GBP5: variants seen among roughly 807,000 people sequenced by gnomAD.
GBP5 encodes the protein guanylate-binding protein 5.
GBP5 carries 48 observed loss-of-function variants against 58.2 expected under a neutral mutation model. That is an observed-to-expected ratio of 0.83 (90% CI 0.65 to 1.05). The LOEUF is 1.05. Ranked by LOEUF, GBP5 falls within the 50% of genes least tolerant of loss-of-function variation. The probability of loss-of-function intolerance (pLI) is 0.00; values close to 1 mark genes in which losing one functional copy is unlikely to be tolerated. For missense variants in GBP5, 714 were observed against 686.8 expected, an observed-to-expected ratio of 1.04 and a Z score of -0.44; for synonymous variants, 248 against 251.8, an observed-to-expected ratio of 0.98 and a Z score of 0.14.
intron 7 of GBP5, among the ~76,000 whole-genome samples, chr1:89,265,764 C>G (rs1331173056): frequency 6.8e-6 from 1 of 147,360 alleles, no homozygotes; most frequent in Non-Finnish European, 1.5e-5. Flanking sequence ...GCAAAGTAAG[C>G]AATTTAAACC....
At position 89,262,967 on chromosome 1, in the gene GBP5, A is replaced by G. The variant is rs532184304; in HGVS notation, c.1363-182T>C. 10 of 454,684 alleles carry G rather than the reference A, an allele frequency of 2.2e-5. 1 individual carries two copies. In the South Asian group the frequency reaches 2.4e-4, roughly 11 times the overall value. The allele number at this position is 454,684 out of a possible 1,614,324, so 28.2% of individuals were successfully genotyped here. A position where few individuals can be genotyped will look rare whatever the true frequency, so the allele number is the denominator to read the frequency against. Reference sequence around the variant, plus strand: ...CACCCTGCACTTGGTGGAACTGCCAATTGAGACTGGAGAGGCTTGTGGAAC... The same window carrying G: ...CACCCTGCACTTGGTGGAACTGCCAGTTGAGACTGGAGAGGCTTGTGGAAC... On this transcript the variant is annotated intron_variant, in intron 9 of 11. Transcript: ENST00000370459.
At chr1:89,271,484 A>C (rs1005281900) in intron 1 of GBP5, 2 of 152,246 alleles carry the variant, frequency 1.3e-5, no homozygotes, top group Non-Finnish European at 2.9e-5. Flanking sequence ...TGCCCAAAAA[A>C]AAATACTAAG....
Position 89,262,280 on chromosome 1 carries a change from CATTTGTCT to C in GBP5, c.1579_1586del (p.Arg527GlyfsTer35). On this transcript the variant is annotated frameshift_variant, in exon 11 of 12. Coordinates refer to ENST00000370459, the MANE Select transcript of GBP5 (RefSeq NM_052942.5). LOFTEE classifies it high-confidence loss of function. The stretch of plus-strand genomic sequence containing the variant: ...CCAGCCAATTTTGTTTGGCTATCTC[CATTTGTCT>C]CACTTGTTCCTGATGGAGTCTCTCC... The C allele has an allele frequency of 6.2e-7, 1 of 1,614,154 alleles. No individual in the cohort carries two copies. The highest frequency in any genetic ancestry group is 8.5e-7 in the Non-Finnish European group (1 of 1,180,010).
chr1:89,264,847 T>C lies in GBP5; in HGVS notation c.988A>G (p.Ile330Val), dbSNP rs762807145. The C allele has an allele frequency of 1.3e-4, 210 of 1,614,128 alleles. No individual in the cohort carries two copies. The highest frequency in any genetic ancestry group is 1.7e-4 in the Non-Finnish European group (198 of 1,180,054). ...RENSAAVQKAIAHYDQQMGQK... is the reference protein window; with the variant it reads ...RENSAAVQKAVAHYDQQMGQK... ...CCCATTTGCTGGTCATAGTGGGCAA[T>C]GGCCTTTTGCACTGCAGCTGAGTTC... The change falls in exon 8 of 12, where the codon ATT becomes GTT. Residue 330 changes from isoleucine (I) to valine (V), a missense_variant. Ile to Val is a conservative substitution (Grantham distance 29, BLOSUM62 3). Transcript: ENST00000370459.
At position 89,266,476 on chromosome 1, in the gene GBP5, G is replaced by T. The variant is rs745891638; in HGVS notation, c.738C>A (p.Ala246=). 4 of 1,614,104 alleles carry T rather than the reference G, an allele frequency of 2.5e-6. No homozygotes were observed. In the East Asian group the frequency reaches 8.9e-5, roughly 36 times the overall value. ...CATCATCAGGCAGTGTTTCAAGTTGGGCAAGCTTTTTTTGGTGAGCAGGTA... is the reference window on the plus strand; with the variant it reads ...CATCATCAGGCAGTGTTTCAAGTTGTGCAAGCTTTTTTTGGTGAGCAGGTA... ...FDLPAHQKKL[A]QLETLPDDEL... is the part of the protein sequence containing the mutation. The change falls in exon 7 of 12, where the codon GCC becomes GCA. Residue 246 remains alanine (A), a synonymous_variant. Transcript: ENST00000370459.
Position 89,267,462 on chromosome 1 carries a change from T to C in GBP5, c.383A>G (p.Tyr128Cys). ...CTGATCAATTTTGTTCACAGTATTG[T>C]ACACAAAGGTGCTGCTCAGTAAGAG... is the stretch of plus-strand genomic sequence containing the variant. ...LALLLSSTFV[Y>C]NTVNKIDQGA... Residue 128 changes from tyrosine to cysteine, a missense_variant, in exon 5 of 12, where the codon TAC becomes TGC. By Grantham distance (194) the Tyr-to-Cys change is radical (BLOSUM62 -2). Transcript: ENST00000370459. The C allele has an allele frequency of 5.0e-6, 8 of 1,614,028 alleles. No homozygotes were observed. Among genetic ancestry groups the C allele is most frequent in the Non-Finnish European group, 6.8e-6 (8 of 1,179,904 alleles).
In GBP5 at chr1:89,256,763, T is replaced by C. The variant is rs1287143908; in HGVS notation, c.*3941A>G. Among the ~76,000 whole-genome samples, 2 of 152,234 alleles carry C rather than the reference T, an allele frequency of 1.3e-5. No individual in the cohort carries two copies. Among genetic ancestry groups the C allele is most frequent in the Non-Finnish European group, 2.9e-5 (2 of 68,036 alleles). On this transcript the variant is annotated 3_prime_UTR_variant, in exon 12 of 12. Coordinates refer to ENST00000370459, the MANE Select transcript of GBP5 (RefSeq NM_052942.5). ...TTTATCAATTTGGGTGTGGTTCCTT[T>C]TTCTTATTTTAGTGTATTGTGTGTG...
Position 89,267,310 on chromosome 1 carries a change from T to G in GBP5, c.428+107A>C, listed in dbSNP as rs1650260885. ...GGCTCCTTTCTTTGTACTTTCAATG[T>G]TTATCACGTTTCCATTTTTGTGATT... On this transcript the variant is annotated intron_variant, in intron 5 of 11. Coordinates refer to ENST00000370459, the MANE Select transcript of GBP5 (RefSeq NM_052942.5). 3 of 993,728 alleles carry G rather than the reference T, an allele frequency of 3.0e-6. No homozygotes were observed. In the South Asian group the frequency reaches 4.4e-5, roughly 15 times the overall value. The allele number at this position is 993,728 out of a possible 1,614,324, so 61.6% of individuals were successfully genotyped here. A position where few individuals can be genotyped will look rare whatever the true frequency, so the allele number is the denominator to read the frequency against.
In GBP5 at chr1:89,256,399, A is replaced by C. The variant is rs1318475566; in HGVS notation, c.*4305T>G. ...AGGGTTGTCAGAAGTTGTCATATACACCTATAGAATTTTAGTAATGCTGAA... is the reference window on the plus strand; with the variant it reads ...AGGGTTGTCAGAAGTTGTCATATACCCCTATAGAATTTTAGTAATGCTGAA... On this transcript the variant is annotated 3_prime_UTR_variant, in exon 12 of 12. Transcript: ENST00000370459. Among the ~76,000 whole-genome samples the C allele has an allele frequency of 6.6e-6, 1 of 152,196 alleles. No individual in the cohort carries two copies. The highest frequency in any genetic ancestry group is 2.4e-5 in the African/African-American group (1 of 41,442).
Position 89,269,530 on chromosome 1 carries a change from T to A in GBP5, c.26A>T (p.Asp9Val), listed in dbSNP as rs202241865. 4.0e-5 allele frequency: 65 copies of A among 1,613,664 alleles called. 1 individual carries two copies. In the East Asian group the frequency reaches 1.4e-3, roughly 35 times the overall value. ...AAAGTTCTCGATGAGGCACATGGGG[T>A]CTGACATGTGGATCTCTAAAGCCAT... is the stretch of plus-strand genomic sequence containing the variant. The part of the protein sequence containing the change: MALEIHMS[D>V]PMCLIENFNE... Residue 9 changes from aspartate (D) to valine (V), a missense_variant, in exon 3 of 12, where the codon GAC (aspartate) becomes GTC (valine). Physicochemically the swap from Asp to Val is radical, Grantham distance 152. Coordinates refer to ENST00000370459, the MANE Select transcript of GBP5 (RefSeq NM_052942.5).
chr1:89,264,680 T>C lies in GBP5; in HGVS notation c.1149+6A>G, dbSNP rs1423758317. The C allele has an allele frequency of 1.2e-6, 2 of 1,610,360 alleles. No individual in the cohort carries two copies. The highest frequency in any genetic ancestry group is 1.1e-5 in the South Asian group (1 of 91,020). On this transcript the variant is annotated splice_donor_region_variant and intron_variant, in intron 8 of 11. Coordinates refer to ENST00000370459, the MANE Select transcript of GBP5 (RefSeq NM_052942.5). ...AATCCCCATGAACTAGAAACAAAAA[T>C]ATCACCTCCAATTCTTTCTGGAAAC...
chr1:89,268,438 G>C (rs1191692311), intron 4 of GBP5, among the ~76,000 whole-genome samples: 2 of 152,154 alleles, frequency 1.3e-5, no homozygotes, highest in Non-Finnish European at 2.9e-5. Context: ...CTATTAACTA[G>C]TATAATCTAC....
In GBP5 at chr1:89,260,171, C is replaced by G. The variant is rs1355077178; in HGVS notation, c.*533G>C. 1.3e-5 allele frequency: 2 copies of G among 153,076 alleles called. No homozygotes were observed. Among genetic ancestry groups the G allele is most frequent in the Non-Finnish European group, 2.9e-5 (2 of 68,720 alleles). 9.5% of individuals were successfully genotyped at this position (153,076 alleles called of 1,614,324 possible). A position where few individuals can be genotyped will look rare whatever the true frequency, so the allele number is the denominator to read the frequency against. On this transcript the variant is annotated 3_prime_UTR_variant, in exon 12 of 12. Transcript: ENST00000370459. The stretch of plus-strand genomic sequence containing the variant: ...AGGATCACACAACCTAGATCTTTTG[C>G]ATGCACAGTTCACAATAGGGTTCCC...
intron 9 of GBP5, 96 bp from the exon 10 acceptor site, chr1:89,262,881 T>TCATAGGAGAGGCTTGC (rs1337376601): frequency 9.3e-6 from 7 of 750,998 alleles, no homozygotes; most frequent in Non-Finnish European, 1.5e-5. Context: ...CATCTATTCC[T>TCATAGGAGAGGCTTGC]CATAGGAGAG....
chr1:89,264,769 T>C lies in GBP5; in HGVS notation c.1066A>G (p.Arg356Gly). ...TCAATGGCCTCCCTCTCACTGGTCC[T>C]GTGCAGGTCCAGCAGCTCCTGGAGG... is the stretch of plus-strand genomic sequence containing the variant. The part of the protein sequence containing the change: ...ETLQELLDLH[R>G]TSEREAIEVF... Residue 356 changes from arginine to glycine, a missense_variant, in exon 8 of 12, where the codon AGG (arginine) becomes GGG (glycine). Arg to Gly is a moderately radical substitution (Grantham distance 125). Transcript: ENST00000370459. The C allele has an allele frequency of 6.2e-7, 1 of 1,614,234 alleles. No homozygotes were observed. The highest frequency in any genetic ancestry group is 8.5e-7 in the Non-Finnish European group (1 of 1,180,036).
In GBP5 at chr1:89,264,843, G is replaced by A; in HGVS notation, c.992C>T (p.Ala331Val). 6.2e-7 allele frequency: 1 copy of A among 1,614,178 alleles called. No individual in the cohort carries two copies. The change falls in exon 8 of 12, where the codon GCC becomes GTC. Residue 331 changes from alanine (A) to valine (V), a missense_variant. Physicochemically the swap from Ala to Val is moderately conservative, Grantham distance 64. Transcript: ENST00000370459. ...ENSAAVQKAI[A>V]HYDQQMGQKV... ...CTGGCCCATTTGCTGGTCATAGTGG[G>A]CAATGGCCTTTTGCACTGCAGCTGA...
intron 5 of GBP5, 128 bp downstream of exon 5, chr1:89,267,289 C>T (rs1650259620): frequency 1.0e-6 from 1 of 958,906 alleles, no homozygotes; most frequent in Admixed American, 2.5e-5. Context: ...TATAAGGGCT[C>T]CTTTCTTTGT....
chr1:89,269,325 T>C (rs1175698979), intron 3 of GBP5, 41 bp downstream of exon 3: 2 of 1,591,952 alleles, frequency 1.3e-6, no homozygotes, highest in South Asian at 2.2e-5. Flanking sequence ...ACTGTGTGAA[T>C]GGACAGAAGG....
At chr1:89,262,645 T>C in intron 10 of GBP5, 38 bp downstream of exon 10, 1 of 1,412,944 alleles carries the variant, frequency 7.1e-7, no homozygotes. Flanking sequence ...AATTTATAGA[T>C]TTCTTTCTAT....
Sources: gnomAD v4.1 joint callset for allele counts (sites outside exome capture counted in the v4.1 genomes callset) on GRCh38, gnomAD v4.1.1 for gene constraint, MANE v1.5 for transcripts, NCBI Gene and HGNC (gene_info 2026-07-23, HGNC 2026-07-21) for gene names.